The following ANKRD17 variants were observed in gnomAD, a reference collection of about 807,000 sequenced individuals.
ANKRD17 encodes the protein ankyrin repeat domain 17.
ANKRD17 carries 19 observed loss-of-function variants against 229.7 expected under a neutral mutation model. The ratio of observed to expected loss-of-function variants is 0.08; its 90% CI spans 0.06 to 0.12. The LOEUF (loss-of-function observed/expected upper bound fraction) is 0.12. Ranked by LOEUF, ANKRD17 falls within the 10% of genes least tolerant of loss-of-function variation. The pLI is 1.00. For synonymous variants in ANKRD17, 1,112 were observed against 1,146.1 expected, an observed-to-expected ratio of 0.97 and a Z score of 0.60; for missense variants, 2,176 against 3,176.8, an observed-to-expected ratio of 0.68 and a Z score of 7.57.
chr4:73,144,780 C>G lies in ANKRD17; in HGVS notation c.1922G>C (p.Gly641Ala), dbSNP rs771506768. 4.4e-6 allele frequency: 7 copies of G among 1,605,856 alleles called. No homozygotes were observed. Among genetic ancestry groups the G allele is most frequent in the Non-Finnish European group, 5.1e-6 (6 of 1,177,148 alleles). ...TAAGAACTGAACAGTACAAACATGA[C>G]CAGCTCTTGCAGCTTTCATTAAAGG... ...RTPLMKAARA[G>A]HVCTVQFLIS... is the part of the protein sequence containing the mutation. Residue 641 changes from glycine (G) to alanine (A), a missense_variant, in exon 11 of 34, where the codon GGT (glycine) becomes GCT (alanine). Coordinates refer to ENST00000358602, the MANE Select transcript of ANKRD17 (RefSeq NM_032217.5).
At chr4:73,209,850 C>T (rs923630905) in intron 1 of ANKRD17, among the ~76,000 whole-genome samples, 2 of 151,992 alleles carry the variant, frequency 1.3e-5, no homozygotes, top group African/African-American at 4.8e-5. Flanking sequence ...CACAGGATCA[C>T]CTAAAAAGAT....
At chr4:73,205,581 AAACTC>A (rs1285638607) in intron 1 of ANKRD17, among the ~76,000 whole-genome samples, 1 of 152,248 alleles carries the variant, frequency 6.6e-6, no homozygotes, top group African/African-American at 2.4e-5. Context: ...AACAAATACA[AAACTC>A]AACTCACAAT....
intron 7 of ANKRD17, among the ~76,000 whole-genome samples, chr4:73,150,367 G>C (rs1412154273): frequency 1.3e-5 from 2 of 152,154 alleles, no homozygotes; most frequent in South Asian, 2.1e-4. Flanking sequence ...TCCTCAGTAG[G>C]GGGTGGCAAG....
chr4:73,105,765 T>G (rs1481039316), intron 24 of ANKRD17, among the ~76,000 whole-genome samples: 1 of 152,140 alleles, frequency 6.6e-6, no homozygotes, highest in Non-Finnish European at 1.5e-5. Context: ...ATTATAAGCA[T>G]TAAAAGAAAG....
intron 1 of ANKRD17, among the ~76,000 whole-genome samples, chr4:73,197,831 G>A (rs976864506): frequency 4.6e-5 from 7 of 152,034 alleles, no homozygotes; most frequent in South Asian, 2.1e-4. Context: ...AAACAAAAAC[G>A]AAAACGTACT....
chr4:73,202,754 A>C (rs773195400), intron 1 of ANKRD17, among the ~76,000 whole-genome samples: 1 of 152,206 alleles, frequency 6.6e-6, no homozygotes, highest in African/African-American at 2.4e-5. Flanking sequence ...ACATTCAACA[A>C]TATAATATCA....
chr4:73,111,748 AGC>A (rs1449342933), intron 24 of ANKRD17, among the ~76,000 whole-genome samples: 1 of 152,218 alleles, frequency 6.6e-6, no homozygotes, highest in Non-Finnish European at 1.5e-5. Flanking sequence ...GAGAGGGGAA[AGC>A]AAGTATTAGA....
chr4:73,242,968 A>T (rs1166858657), intron 1 of ANKRD17, among the ~76,000 whole-genome samples: 5 of 152,346 alleles, frequency 3.3e-5, no homozygotes, highest in African/African-American at 9.6e-5. Context: ...AGGTAAAAGA[A>T]GAAGTGGTGT....
At chr4:73,147,185 C>T (rs1730397637) in intron 9 of ANKRD17, 56 bp downstream of exon 9, 2 of 1,432,426 alleles carry the variant, frequency 1.4e-6, no homozygotes, top group Non-Finnish European at 1.9e-6. Flanking sequence ...TGCATTATGA[C>T]ATTTTTACTT....
At chr4:73,100,131 C>T (rs1443220664) in intron 25 of ANKRD17, among the ~76,000 whole-genome samples, 6 of 152,168 alleles carry the variant, frequency 3.9e-5, no homozygotes. Flanking sequence ...TTCAGTGTTC[C>T]ATTCTTCGAC....
At chr4:73,096,512 A>G (rs910385796) in intron 27 of ANKRD17, among the ~76,000 whole-genome samples, 2 of 152,182 alleles carry the variant, frequency 1.3e-5, no homozygotes, top group African/African-American at 4.8e-5. Context: ...TTGGTTCACT[A>G]TAGCTTTTGT....
intron 18 of ANKRD17, 54 bp from the exon 19 acceptor site, chr4:73,121,813 A>C: frequency 6.6e-7 from 1 of 1,512,352 alleles, no homozygotes; most frequent in Admixed American, 2.3e-5. Flanking sequence ...AAATTACCAA[A>C]GTGTGTATTT....
chr4:73,172,628 A>T (rs1734192227), intron 2 of ANKRD17, among the ~76,000 whole-genome samples: 1 of 152,200 alleles, frequency 6.6e-6, no homozygotes, highest in Non-Finnish European at 1.5e-5. Context: ...GCACAGTAAG[A>T]TATAAACAGA....
chr4:73,098,474 A>G lies in ANKRD17; in HGVS notation c.4620T>C (p.Thr1540=), dbSNP rs779912937. Residue 1540 remains threonine (T), a synonymous_variant, in exon 26 of 34, where the codon ACT becomes ACC. Transcript: ENST00000358602. The part of the protein sequence containing the change: ...LTEPPSATTT[T]TIGISATWTT... ...TCCAGGTTGCAGATATACCTATGGT[A>G]GTAGTGGTTGTGGCACTTGGAGGTT... The G allele has an allele frequency of 6.2e-7, 1 of 1,613,920 alleles. No homozygotes were observed. The highest frequency in any genetic ancestry group is 2.2e-5 in the East Asian group (1 of 44,874).
intron 1 of ANKRD17, among the ~76,000 whole-genome samples, chr4:73,200,566 C>T (rs999913824): frequency 3.9e-5 from 6 of 151,946 alleles, no homozygotes; most frequent in Non-Finnish European, 7.4e-5. Flanking sequence ...AAGGTTAAAC[C>T]ACTGCTTAAA....
intron 1 of ANKRD17, among the ~76,000 whole-genome samples, chr4:73,179,561 G>T (rs1167027059): frequency 8.2e-6 from 1 of 121,838 alleles, no homozygotes. Context: ...GTCTCACTGT[G>T]TTGCCCAAGC....
intron 27 of ANKRD17, among the ~76,000 whole-genome samples, chr4:73,095,505 G>A (rs1342844623): frequency 6.6e-6 from 1 of 151,536 alleles, no homozygotes; most frequent in African/African-American, 2.4e-5. Context: ...GGGAGGCAGA[G>A]GCAGGAGAAT....
chr4:73,213,498 A>C (rs548426415), intron 1 of ANKRD17, among the ~76,000 whole-genome samples: 59 of 152,338 alleles, frequency 3.9e-4, no homozygotes, highest in Non-Finnish European at 7.4e-4. Flanking sequence ...AACACTTTTA[A>C]CACTGAACCT....
chr4:73,100,703 C>T, intron 25 of ANKRD17: 1 of 329,890 alleles, frequency 3.0e-6, no homozygotes, highest in Non-Finnish European at 4.3e-6. Context: ...GAAGACACAA[C>T]CCATGTGTGC....
Sources: allele counts gnomAD v4.1 joint callset (sites outside exome capture counted in the v4.1 genomes callset), GRCh38; gene constraint gnomAD v4.1.1; transcripts MANE v1.5; gene names NCBI Gene and HGNC (gene_info 2026-07-23, HGNC 2026-07-21).